Variants in CNRIP1 observed in about 807,000 individuals in gnomAD.
CNRIP1 encodes the protein cannabinoid receptor interacting protein 1.
In CNRIP1, 10 loss-of-function variants were observed where a neutral mutation model predicts 15.2. That is an observed-to-expected ratio of 0.66 (90% confidence interval 0.41 to 1.12). CNRIP1 has a LOEUF of 1.12. CNRIP1 is among the 50% of genes most tolerant of loss of function. The pLI is 0.00. For missense variants in CNRIP1, 211 were observed against 214.7 expected, an observed-to-expected ratio of 0.98 and a Z score of 0.11; for synonymous variants, 91 against 83.2, an observed-to-expected ratio of 1.09 and a Z score of -0.51.
intron 2 of CNRIP1, among the ~76,000 whole-genome samples, chr2:68,300,518 G>A (rs1671565359): frequency 6.6e-6 from 1 of 152,172 alleles, no homozygotes; most frequent in African/African-American, 2.4e-5. Flanking sequence ...TCTGGAGGCT[G>A]AGGCAGGAGA....
Position 68,293,917 on chromosome 2 carries a change from C to T in CNRIP1, c.440G>A (p.Cys147Tyr), listed in dbSNP as rs1207243722. The change falls in exon 3 of 3, where the codon TGC becomes TAC. Residue 147 changes from cysteine (C) to tyrosine (Y), a missense_variant. Transcript: ENST00000263655. ...CAGACTGCGTGTCTCGTTGGGCTTG[C>T]ATTCATACTCAATGACAGAGAAGGG... ...GSPFSVIEYE[C>Y]KPNETRSLMW... 6.2e-7 allele frequency: 1 copy of T among 1,614,126 alleles called. No homozygotes were observed. Among genetic ancestry groups the T allele is most frequent in the Non-Finnish European group, 8.5e-7 (1 of 1,180,000 alleles).
At chr2:68,308,921 C>T (rs769389502) in intron 2 of CNRIP1, among the ~76,000 whole-genome samples, 11 of 150,942 alleles carry the variant, frequency 7.3e-5, no homozygotes, top group South Asian at 2.1e-4. Context: ...GAAAACAGTC[C>T]GAAAAAGGAG....
chr2:68,301,178 A>G (rs1573017759), intron 2 of CNRIP1, among the ~76,000 whole-genome samples: 1 of 152,246 alleles, frequency 6.6e-6, no homozygotes. Flanking sequence ...AATCAAATCT[A>G]GCAATATATA....
Position 68,293,372 on chromosome 2 carries a change from T to TAC in CNRIP1, c.*488_*489dup. On this transcript the variant is annotated 3_prime_UTR_variant, in exon 3 of 3. Coordinates refer to ENST00000263655, the MANE Select transcript of CNRIP1 (RefSeq NM_015463.3). ...GAGTCCCATTCACTGCTGTTTGTAT[T>TAC]ACATTTTCACAAAGCCTGCTTTGAA... is the stretch of plus-strand genomic sequence containing the variant. 1 of 986,768 alleles carries TAC rather than the reference T, an allele frequency of 1.0e-6. No homozygotes were observed. Among genetic ancestry groups the TAC allele is most frequent in the Non-Finnish European group, 1.2e-6 (1 of 830,720 alleles). 61.1% of individuals were successfully genotyped at this position (986,768 alleles called of 1,614,324 possible).
chr2:68,307,376 T>C (rs1239730307), intron 2 of CNRIP1, among the ~76,000 whole-genome samples: 1 of 152,196 alleles, frequency 6.6e-6, no homozygotes, highest in Non-Finnish European at 1.5e-5. Context: ...GGCTGGAGTA[T>C]AGTGGTTTGA....
Position 68,319,549 on chromosome 2 carries a change from TCGC to T in CNRIP1, c.-152_-150del. On this transcript the variant is annotated 5_prime_UTR_variant, in exon 1 of 3. Transcript: ENST00000263655. ...AGGCTGCCGCTAGGAACCCGCGCCG[TCGC>T]CGCCGTCCGCCCGGGCTTTTGAGGA... 1.3e-6 allele frequency: 1 copy of T among 773,380 alleles called. No homozygotes were observed. The highest frequency in any genetic ancestry group is 1.9e-6 in the Non-Finnish European group (1 of 516,718). 47.9% of individuals were successfully genotyped at this position (773,380 alleles called of 1,614,324 possible). A position where few individuals can be genotyped will look rare whatever the true frequency, so the allele number is the denominator to read the frequency against.
chr2:68,306,795 A>AG (rs1671869360), intron 2 of CNRIP1, among the ~76,000 whole-genome samples: 1 of 114,486 alleles, frequency 8.7e-6, no homozygotes, highest in Non-Finnish European at 2.0e-5. Context: ...AAAAAAAAAA[A>AG]TTACAAACTT....
intron 2 of CNRIP1, among the ~76,000 whole-genome samples, chr2:68,307,031 G>T (rs1342258498): frequency 6.6e-6 from 1 of 152,130 alleles, no homozygotes; most frequent in Non-Finnish European, 1.5e-5. Flanking sequence ...TTTTTAAAGT[G>T]GCAGTAATCC....
chr2:68,311,261 C>CT (rs1203194214), intron 2 of CNRIP1, among the ~76,000 whole-genome samples: 2 of 151,832 alleles, frequency 1.3e-5, no homozygotes, highest in Non-Finnish European at 2.9e-5. Flanking sequence ...AGAAAGAACT[C>CT]TATGAAGGGA....
chr2:68,285,656 C>CAAA (rs772428324), intron 2 of CNRIP1, among the ~76,000 whole-genome samples: 6 of 103,906 alleles, frequency 5.8e-5, no homozygotes, highest in African/African-American at 1.2e-4. Flanking sequence ...GACCCTGTCT[C>CAAA]AAAAAAAAAA....
In CNRIP1 at chr2:68,319,451, G is replaced by C. The variant is rs781622672; in HGVS notation, c.-51C>G. 99 of 1,449,372 alleles carry C rather than the reference G, an allele frequency of 6.8e-5. 1 individual carries two copies. The South Asian group carries it at 1.2e-3, about 18-fold the overall frequency. 89.8% of individuals were successfully genotyped at this position (1,449,372 alleles called of 1,614,324 possible). ...GCTCCGGGGGGCGGAGGACAGCGCC[G>C]GCTGCGGCCGAGTGGCTGGAGCGCG... On this transcript the variant is annotated 5_prime_UTR_variant, in exon 1 of 3. Coordinates refer to ENST00000263655, the MANE Select transcript of CNRIP1 (RefSeq NM_015463.3).
intron 2 of CNRIP1, among the ~76,000 whole-genome samples, chr2:68,312,721 T>A (rs972566213): frequency 6.6e-6 from 1 of 152,146 alleles, no homozygotes; most frequent in Admixed American, 6.5e-5. Context: ...CAAAAACAGC[T>A]ATTAGGATTA....
At chr2:68,292,910 C>T (rs1270362533), downstream of CNRIP1, 15 of 550,062 alleles carry the variant, frequency 2.7e-5, no homozygotes, top group African/African-American at 2.9e-4. Context: ...CGGATACATC[C>T]CCGTCATCCT....
At chr2:68,298,718 T>C (rs1171684274) in intron 2 of CNRIP1, among the ~76,000 whole-genome samples, 1 of 152,254 alleles carries the variant, frequency 6.6e-6, no homozygotes, top group Non-Finnish European at 1.5e-5. Flanking sequence ...CTCTCCCCGA[T>C]GCCTTAGCTG....
intron 2 of CNRIP1, among the ~76,000 whole-genome samples, chr2:68,305,793 C>CA (rs549415627): frequency 0.21 from 20,033 of 93,952 alleles, 2,325 homozygotes; most frequent in East Asian, 0.61. Flanking sequence ...AAGACTCTTC[C>CA]AAAAAAAAAA....
chr2:68,305,512 T>C (rs1671799951), intron 2 of CNRIP1, among the ~76,000 whole-genome samples: 1 of 151,640 alleles, frequency 6.6e-6, no homozygotes, highest in African/African-American at 2.4e-5. Context: ...AAACTGGAAG[T>C]AGGCCGGGGG....
At chr2:68,311,559 A>G (rs961911435) in intron 2 of CNRIP1, among the ~76,000 whole-genome samples, 20 of 152,126 alleles carry the variant, frequency 1.3e-4, no homozygotes, top group Non-Finnish European at 2.4e-4. Context: ...GGATCTTGTG[A>G]GGCCAGGAGT....
chr2:68,302,704 G>A (rs569656713), intron 2 of CNRIP1, among the ~76,000 whole-genome samples: 12 of 152,204 alleles, frequency 7.9e-5, no homozygotes, highest in African/African-American at 2.9e-4. Flanking sequence ...GGCAAATCAA[G>A]GCAACACAGC....
At position 68,285,668 on chromosome 2, in the gene CNRIP1, A is replaced by AAAAAAAAAG. The variant is rs539747999; in HGVS notation, c.331-1185_331-1184insCTTTTTTTT. 3.4e-4 allele frequency among the ~76,000 whole-genome samples: 42 copies of AAAAAAAAAG among 124,444 alleles called. 1 individual carries two copies. Among genetic ancestry groups the AAAAAAAAAG allele is most frequent in the South Asian group, 5.3e-4 (2 of 3,786 alleles). The allele number at this position is 124,444 out of a possible 152,430, so 81.6% of individuals were successfully genotyped here. ...CAAGACCCTGTCTCAAAAAAAAAAA[A>AAAAAAAAAG]AAAAGAAAAGAAAAGAAAAGAAAAG... On this transcript the variant is annotated intron_variant, in intron 2 of 2. Coordinates refer to the CNRIP1 transcript ENST00000409559.
Sources: allele counts gnomAD v4.1 joint callset (sites outside exome capture counted in the v4.1 genomes callset), GRCh38; gene constraint gnomAD v4.1.1; transcripts MANE v1.5; gene names NCBI Gene and HGNC (gene_info 2026-07-23, HGNC 2026-07-21).